Variants in RASL12 observed in about 807,000 individuals in gnomAD.
RASL12 encodes the protein ras-like protein family member 12.
Under a neutral mutation model 22.9 loss-of-function variants are expected in RASL12, and 16 were observed. The observed-to-expected ratio is 0.70, with a 90% CI of 0.47 to 1.06. The LOEUF is 1.06. RASL12 is among the 50% of genes least tolerant of loss of function. RASL12 has a pLI of 0.00. For synonymous variants in RASL12, 159 were observed against 152.2 expected (o/e 1.04, Z -0.33); for missense variants, 306 against 353.1 (o/e 0.87, Z 1.07).
In RASL12 at chr15:65,062,627, C is replaced by T. The variant is rs145192375; in HGVS notation, c.160+2590G>A. Among the ~76,000 whole-genome samples, 31 of 152,332 alleles carry T rather than the reference C, an allele frequency of 2.0e-4. 1 individual carries two copies. The East Asian group carries it at 5.6e-3, about 27-fold the overall frequency. On this transcript the variant is annotated intron_variant, in intron 2 of 4. Transcript: ENST00000220062. ...ACCCCCCCAGTTAAACCCTCATCTA[C>T]ACTGAAGCTAGTACTGTGCTACCTG...
chr15:65,062,951 G>C (rs1024152496), intron 2 of RASL12, among the ~76,000 whole-genome samples: 1 of 152,200 alleles, frequency 6.6e-6, no homozygotes, highest in African/African-American at 2.4e-5. Flanking sequence ...CTGACTCGTG[G>C]GCTGTCAGTG....
intron 4 of RASL12, among the ~76,000 whole-genome samples, chr15:65,056,945 A>G: frequency 7.7e-6 from 1 of 130,414 alleles, no homozygotes; most frequent in East Asian, 3.2e-4. Context: ...ATTGGGGTCA[A>G]AAGAGTGATC....
downstream of RASL12, among the ~76,000 whole-genome samples, chr15:65,051,767 A>AAAACAAACAAAC (rs58082384): frequency 5.0e-3 from 745 of 150,486 alleles, 2 homozygotes; most frequent in Admixed American, 0.011. Context: ...CAAGCTGTTA[A>AAAACAAACAAAC]AAACAAACAA....
intron 2 of RASL12, among the ~76,000 whole-genome samples, chr15:65,061,305 C>T (rs1419878716): frequency 1.3e-5 from 2 of 152,378 alleles, no homozygotes; most frequent in South Asian, 2.1e-4. Flanking sequence ...GACCCCCTCA[C>T]CCCGTGACTG....
Position 65,054,815 on chromosome 15 carries a change from G to A in RASL12, c.*84C>T, listed in dbSNP as rs1348433568. 5.9e-6 allele frequency: 9 copies of A among 1,525,404 alleles called. No individual in the cohort carries two copies. The highest frequency in any genetic ancestry group is 2.4e-4 in the Middle Eastern group (1 of 4,220). The allele number at this position is 1,525,404 out of a possible 1,614,324, so 94.5% of individuals were successfully genotyped here. ...AGGCGGGGTCTGCTGTCCATCAGAC[G>A]GAAAGGCTGGTGGTGAGAAGCCAGT... is the stretch of plus-strand genomic sequence containing the variant. On this transcript the variant is annotated 3_prime_UTR_variant, in exon 5 of 5. Transcript: ENST00000220062.
rs1284839019 is a variant in RASL12, at chr15:65,067,952, C to CCGTCGGCGTCCGCGCCCT, written c.-135_-118dup. ...TTCCCTGGAGCGCGCGGCCCCGGACCCGTCGGCGTCCGCGCCCTCGGCCCC... is the reference window on the plus strand; with the variant it reads ...TTCCCTGGAGCGCGCGGCCCCGGACCCGTCGGCGTCCGCGCCCTCGTCGGCGTCCGCGCCCTCGGCCCC... On this transcript the variant is annotated 5_prime_UTR_variant, in exon 1 of 5. Coordinates refer to ENST00000220062, the MANE Select transcript of RASL12 (RefSeq NM_016563.4). 3 of 1,195,290 alleles carry CCGTCGGCGTCCGCGCCCT rather than the reference C, an allele frequency of 2.5e-6. No individual in the cohort carries two copies. In the Admixed American group the frequency reaches 1.3e-4, roughly 54 times the overall value. 74.0% of individuals were successfully genotyped at this position (1,195,290 alleles called of 1,614,324 possible).
At chr15:65,062,579 T>A (rs2086822257) in intron 2 of RASL12, among the ~76,000 whole-genome samples, 1 of 152,144 alleles carries the variant, frequency 6.6e-6, no homozygotes, top group African/African-American at 2.4e-5. Flanking sequence ...CTTTAAAGGG[T>A]AATCCTAAAA....
chr15:65,057,455 G>A (rs781069933), intron 4 of RASL12, among the ~76,000 whole-genome samples: 8 of 152,214 alleles, frequency 5.3e-5, no homozygotes, highest in African/African-American at 9.7e-5. Context: ...GGTAAACCAC[G>A]GGGAGTGGTG....
chr15:65,071,572 G>A (rs2086932541), upstream of RASL12, among the ~76,000 whole-genome samples: 2 of 152,164 alleles, frequency 1.3e-5, no homozygotes, highest in Non-Finnish European at 2.9e-5. Context: ...GCTGCTGGAG[G>A]TAGAAACTGG....
chr15:65,065,297 G>A (rs2086862981), intron 1 of RASL12, 24 bp from the exon 2 acceptor site: 3 of 1,606,832 alleles, frequency 1.9e-6, no homozygotes, highest in Non-Finnish European at 2.5e-6. Flanking sequence ...AAAGAGGTTG[G>A]CTCCATCTCC....
rs115380287 is a variant in RASL12, at chr15:65,076,211, G to A, written c.70+318C>T. ...TCATATCCCCTTCCACACTGTGGACGCTTTATTCTTTTCCTCTTTGCAATA... is the reference window on the plus strand; with the variant it reads ...TCATATCCCCTTCCACACTGTGGACACTTTATTCTTTTCCTCTTTGCAATA... On this transcript the variant is annotated intron_variant, in intron 1 of 4. Transcript: ENST00000434605. Among the ~76,000 whole-genome samples the A allele has an allele frequency of 3.4e-3, 519 of 152,312 alleles. 2 individuals are homozygous for A. Among genetic ancestry groups the A allele is most frequent in the African/African-American group, 0.012 (483 of 41,574 alleles).
At chr15:65,050,499 G>C (rs1002173236), downstream of RASL12, among the ~76,000 whole-genome samples, 4 of 152,246 alleles carry the variant, frequency 2.6e-5, no homozygotes, top group Non-Finnish European at 5.9e-5. Flanking sequence ...AAATTAAACA[G>C]AGAAAGAGAA....
At chr15:65,057,392 G>C (rs1457684412) in intron 4 of RASL12, among the ~76,000 whole-genome samples, 3 of 152,238 alleles carry the variant, frequency 2.0e-5, no homozygotes, top group South Asian at 4.1e-4. Context: ...AGGCATCACA[G>C]TGTCAAATGC....
downstream of RASL12, chr15:65,053,077 G>A: frequency 1.2e-6 from 2 of 1,614,160 alleles, no homozygotes; most frequent in Non-Finnish European, 8.5e-7. Context: ...TCTCAGAAAA[G>A]CCAAACTTGG....
At chr15:65,065,180 G>C (rs778374268) in intron 2 of RASL12, 37 bp downstream of exon 2, 2 of 1,599,940 alleles carry the variant, frequency 1.3e-6, no homozygotes, top group South Asian at 2.2e-5. Context: ...TCCAGATGGG[G>C]CACAGGCAGC....
chr15:65,061,225 G>A (rs1245190979), intron 2 of RASL12, among the ~76,000 whole-genome samples: 1 of 152,194 alleles, frequency 6.6e-6, no homozygotes, highest in African/African-American at 2.4e-5. Context: ...CTCACCCAAG[G>A]CCACACAGCA....
chr15:65,067,263 G>A (rs1436317661), intron 1 of RASL12, among the ~76,000 whole-genome samples: 3 of 151,990 alleles, frequency 2.0e-5, no homozygotes, highest in Admixed American at 1.3e-4. Context: ...GCAAGGCTGC[G>A]ACTAAGCTCA....
intron 2 of RASL12, among the ~76,000 whole-genome samples, chr15:65,063,208 C>CAAA (rs11346505): frequency 6.7e-6 from 1 of 149,954 alleles, no homozygotes. Context: ...ATCTGAATCT[C>CAAA]AAAAAAAAAA....
rs1167509668 is a variant in RASL12 at position 65,054,457 on chromosome 15, CA to C, written c.*441del. The C allele has an allele frequency of 2.0e-6, 2 of 993,328 alleles. No homozygotes were observed. Among genetic ancestry groups the C allele is most frequent in the African/African-American group, 3.5e-5 (2 of 57,532 alleles). 61.5% of individuals were successfully genotyped at this position (993,328 alleles called of 1,614,324 possible). A position where few individuals can be genotyped will look rare whatever the true frequency, so the allele number is the denominator to read the frequency against. On this transcript the variant is annotated 3_prime_UTR_variant, in exon 5 of 5. Transcript: ENST00000220062. The stretch of plus-strand genomic sequence containing the variant: ...CAGCCGCCCTGCCTTTCCCGTCCAC[CA>C]GGTGGCACAAGGACCCCAGGCTGTC...
Sources: gnomAD v4.1 joint callset for allele counts (sites outside exome capture counted in the v4.1 genomes callset) on GRCh38, gnomAD v4.1.1 for gene constraint, MANE v1.5 for transcripts, NCBI Gene and HGNC (gene_info 2026-07-23, HGNC 2026-07-21) for gene names.